Variants in ANXA11 observed in about 807,000 individuals in gnomAD.
ANXA11 encodes the protein 56 kDa autoantigen.
Under a neutral mutation model 64.7 loss-of-function variants are expected in ANXA11, and 57 were observed. That is an observed-to-expected ratio of 0.88 (90% confidence interval 0.71 to 1.10). The LOEUF (loss-of-function observed/expected upper bound fraction) is 1.10, where lower values mean the gene tolerates loss of function less well. Ranked by LOEUF, ANXA11 falls within the 50% of genes least tolerant of loss-of-function variation. The pLI is 0.00. For missense variants in ANXA11, 675 were observed against 670.7 expected, an observed-to-expected ratio of 1.01 and a Z score of -0.07; for synonymous variants, 260 against 265.2, an observed-to-expected ratio of 0.98 and a Z score of 0.19.
intron 1 of ANXA11, among the ~76,000 whole-genome samples, chr10:80,181,953 G>T (rs1846370681): frequency 6.6e-6 from 1 of 152,188 alleles, no homozygotes; most frequent in Non-Finnish European, 1.5e-5. Context: ...CAAATAAGTT[G>T]AAAACTTCTG....
intron 1 of ANXA11, among the ~76,000 whole-genome samples, chr10:80,201,167 A>C (rs1251002973): frequency 6.6e-6 from 1 of 151,820 alleles, no homozygotes; most frequent in South Asian, 2.1e-4. Context: ...ACATCATCCC[A>C]CCAAAGCAGT....
intron 15 of ANXA11, chr10:80,157,307 CCA>C (rs1564597102): frequency 1.0e-6 from 1 of 985,272 alleles, no homozygotes; most frequent in Admixed American, 6.1e-5. Flanking sequence ...CAGCAGAGCT[CCA>C]CAGAGCCTTT....
At chr10:80,162,733 G>A (rs1039169126) in intron 11 of ANXA11, among the ~76,000 whole-genome samples, 11 of 152,332 alleles carry the variant, frequency 7.2e-5, no homozygotes, top group Admixed American at 2.6e-4. Context: ...ATGCCCTGCC[G>A]TGGATGACAA....
At chr10:80,156,515 ACT>A (rs113663129) in intron 15 of ANXA11, 148 of 447,020 alleles carry the variant, frequency 3.3e-4, no homozygotes, top group African/African-American at 2.8e-3. Context: ...TGAATTATTA[ACT>A]CTCTTTTTTT....
At chr10:80,178,166 C>T (rs1161410147) in intron 1 of ANXA11, among the ~76,000 whole-genome samples, 2 of 152,138 alleles carry the variant, frequency 1.3e-5, no homozygotes, top group African/African-American at 4.8e-5. Context: ...AGCACCCACT[C>T]CCCAGGAGAG....
chr10:80,162,023 C>A lies in ANXA11; in HGVS notation c.1092G>T (p.Leu364=). 6.2e-7 allele frequency: 1 copy of A among 1,610,684 alleles called. No individual in the cohort carries two copies. Among genetic ancestry groups the A allele is most frequent in the East Asian group, 2.2e-5 (1 of 44,872 alleles). The change falls in exon 12 of 16, where the codon CTG becomes CTT. Residue 364 remains leucine (L), a synonymous_variant. Coordinates refer to ENST00000422982, the MANE Select transcript of ANXA11 (RefSeq NM_145868.2). ...CCAGGCGGTTCTCCCCGGCCGCATA[C>A]AGCTCCTGGAGAGAGAGGAAGACGC... ...MSLAQRDAQE[L]YAAGENRLGT... is the part of the protein sequence containing the mutation.
intron 1 of ANXA11, among the ~76,000 whole-genome samples, chr10:80,179,622 G>A (rs1381559395): frequency 6.6e-6 from 1 of 152,184 alleles, no homozygotes; most frequent in Non-Finnish European, 1.5e-5. Flanking sequence ...GTTCTGAGCT[G>A]AGGAACTGTG....
intron 1 of ANXA11, among the ~76,000 whole-genome samples, chr10:80,201,719 T>G (rs1467272373): frequency 6.6e-6 from 1 of 152,178 alleles, no homozygotes. Context: ...AGCCGTGACC[T>G]TTTTAGTGGA....
intron 1 of ANXA11, among the ~76,000 whole-genome samples, chr10:80,176,755 G>A (rs1420276732): frequency 6.6e-6 from 1 of 152,112 alleles, no homozygotes; most frequent in African/African-American, 2.4e-5. Flanking sequence ...TTCTTGGGGT[G>A]GCTTTTAAGG....
At chr10:80,190,502 T>C (rs1465840086) in intron 1 of ANXA11, among the ~76,000 whole-genome samples, 1 of 150,600 alleles carries the variant, frequency 6.6e-6, no homozygotes, top group East Asian at 2.0e-4. Context: ...TTTTTTTTTT[T>C]TGAGACGGAG....
chr10:80,187,509 GA>G (rs1260056479), intron 1 of ANXA11, among the ~76,000 whole-genome samples: 1 of 152,168 alleles, frequency 6.6e-6, no homozygotes, highest in Non-Finnish European at 1.5e-5. Context: ...AACGGATTTA[GA>G]CGGAACCTAA....
At chr10:80,167,416 G>C in intron 5 of ANXA11, 103 bp from the exon 6 acceptor site, 1 of 1,026,262 alleles carries the variant, frequency 9.7e-7, no homozygotes, top group East Asian at 2.5e-5. Context: ...TTCTCTAAGA[G>C]TTGGAGTATC....
chr10:80,156,965 T>C, intron 15 of ANXA11: 1 of 985,294 alleles, frequency 1.0e-6, no homozygotes, highest in Non-Finnish European at 1.2e-6. Flanking sequence ...GTTCAGAATT[T>C]GAGCGTTAGA....
chr10:80,193,125 T>C (rs180970637), intron 1 of ANXA11, among the ~76,000 whole-genome samples: 1 of 152,254 alleles, frequency 6.6e-6, no homozygotes, highest in Non-Finnish European at 1.5e-5. Flanking sequence ...AGGGAAAGCA[T>C]CCACCTGAGG....
In ANXA11 at chr10:80,155,825, T is replaced by C; in HGVS notation, c.*28A>G. The C allele has an allele frequency of 6.2e-7, 1 of 1,609,746 alleles. No individual in the cohort carries two copies. ...TCCTGGCACTGGTGTTGCCGGCAGG[T>C]GGGCAGAAGTGAGCCACCAGTCACT... On this transcript the variant is annotated 3_prime_UTR_variant, in exon 16 of 16. Coordinates refer to ENST00000422982, the MANE Select transcript of ANXA11 (RefSeq NM_145868.2).
intron 2 of ANXA11, among the ~76,000 whole-genome samples, chr10:80,174,990 G>C (rs897839033): frequency 6.6e-6 from 1 of 152,198 alleles, no homozygotes; most frequent in African/African-American, 2.4e-5. Context: ...CGTAGGCAAA[G>C]CCCTATGGCT....
At chr10:80,179,832 C>G (rs1589438135) in intron 1 of ANXA11, among the ~76,000 whole-genome samples, 2 of 152,216 alleles carry the variant, frequency 1.3e-5, no homozygotes. Flanking sequence ...TTCCATCCAG[C>G]CTGCTGCCAC....
chr10:80,198,316 TAG>T (rs1319539696), intron 1 of ANXA11, among the ~76,000 whole-genome samples: 1 of 152,208 alleles, frequency 6.6e-6, no homozygotes, highest in Non-Finnish European at 1.5e-5. Context: ...TCTCTTGCTT[TAG>T]TAACAGAACA....
rs1260606671 is a variant in ANXA11, at chr10:80,154,790, C to G, written c.*1063G>C. ...GGGTTGTCCCCATCCTTCTCTCTGG[C>G]CCCCGCCGAGGGGCACCAGGAATTA... On this transcript the variant is annotated 3_prime_UTR_variant, in exon 16 of 16. Coordinates refer to ENST00000422982, the MANE Select transcript of ANXA11 (RefSeq NM_145868.2). 6.6e-6 allele frequency: 1 copy of G among 152,284 alleles called. No individual in the cohort carries two copies. The highest frequency in any genetic ancestry group is 2.4e-5 in the African/African-American group (1 of 41,458). 9.4% of individuals were successfully genotyped at this position (152,284 alleles called of 1,614,324 possible).
Sources: gnomAD v4.1 joint callset for allele counts (sites outside exome capture counted in the v4.1 genomes callset) on GRCh38, gnomAD v4.1.1 for gene constraint, MANE v1.5 for transcripts, NCBI Gene and HGNC (gene_info 2026-07-23, HGNC 2026-07-21) for gene names.